Variants in ATP7B observed in about 807,000 individuals in gnomAD.
The protein encoded by ATP7B is ATPase copper transporting beta, also known as copper-transporting ATPase 2.
A neutral mutation model predicts 118.9 loss-of-function variants in ATP7B; 113 were observed. The observed-to-expected ratio is 0.95, with a 90% CI of 0.82 to 1.11. The LOEUF (loss-of-function observed/expected upper bound fraction) is 1.11. Among genes scored for constraint, ATP7B ranks in the 50% most tolerant of loss-of-function variants. The probability of loss-of-function intolerance (pLI) is 0.00; values close to 1 mark genes in which losing one functional copy is unlikely to be tolerated. For synonymous variants in ATP7B, 777 were observed against 727.4 expected (o/e 1.07, Z -1.10); for missense variants, 1,867 against 1,871.4 (o/e 1.00, Z 0.04).
At chr13:51,972,309 C>G (rs141190476) in intron 2 of ATP7B, among the ~76,000 whole-genome samples, 1 of 152,164 alleles carries the variant, frequency 6.6e-6, no homozygotes, top group Non-Finnish European at 1.5e-5. Flanking sequence ...TTGGCCTCTG[C>G]GGCTCGCATT....
chr13:51,955,742 G>A (rs891635140), intron 9 of ATP7B, among the ~76,000 whole-genome samples: 1 of 151,616 alleles, frequency 6.6e-6, no homozygotes, highest in Non-Finnish European at 1.5e-5. Flanking sequence ...CTGTCTGAAC[G>A]TTTTCACTTC....
intron 7 of ATP7B, 42 bp from the exon 8 acceptor site, chr13:51,958,586 G>A (rs1429436480): frequency 6.3e-7 from 1 of 1,580,572 alleles, no homozygotes. Context: ...AAGTAGGGAG[G>A]AGAGTTCAAT....
chr13:51,986,371 G>C (rs935008335), intron 1 of ATP7B, among the ~76,000 whole-genome samples: 1 of 152,178 alleles, frequency 6.6e-6, no homozygotes, highest in Non-Finnish European at 1.5e-5. Flanking sequence ...CTAGGAAGAA[G>C]TCGAATCCCT....
chr13:51,971,339 A>C (rs1951832922), intron 2 of ATP7B, among the ~76,000 whole-genome samples: 1 of 152,260 alleles, frequency 6.6e-6, no homozygotes, highest in South Asian at 2.1e-4. Context: ...ATTGTTTATG[A>C]AAAATTAAAA....
rs771238708 is a variant in ATP7B at position 51,937,497 on chromosome 13, T to C, written c.3882A>G (p.Ala1294=). 6.2e-7 allele frequency: 1 copy of C among 1,614,094 alleles called. No homozygotes were observed. The highest frequency in any genetic ancestry group is 8.5e-7 in the Non-Finnish European group (1 of 1,179,992). ...TCACTCTGATAAGGACGACGTCGGC[T>C]GCCTCGATGGCCACATCCGTGCCGG... ...IGTGTDVAIE[A]ADVVLIRNDL... Residue 1294 remains alanine, a synonymous_variant, in exon 18 of 21, where the codon GCA becomes GCG. Transcript: ENST00000242839.
chr13:51,934,807 C>T lies in ATP7B; in HGVS notation c.4347G>A (p.Gly1449=). 1.2e-6 allele frequency: 2 copies of T among 1,614,140 alleles called. No individual in the cohort carries two copies. The highest frequency in any genetic ancestry group is 1.1e-5 in the South Asian group (1 of 91,092). Residue 1449 remains glycine, a synonymous_variant, in exon 21 of 21, where the codon GGG becomes GGA. Transcript: ENST00000242839. Reference sequence around the variant, plus strand: ...CATTCAGGAGCAGAGACCACTTGTCCCCATCATCGTCTGCTGCAGCGCTGT... The same window carrying T: ...CATTCAGGAGCAGAGACCACTTGTCTCCATCATCGTCTGCTGCAGCGCTGT... ...SRHSAAADDD[G]DKWSLLLNGR...
intron 1 of ATP7B, among the ~76,000 whole-genome samples, chr13:51,980,897 C>G (rs149970833): frequency 5.3e-5 from 8 of 152,312 alleles, no homozygotes; most frequent in African/African-American, 1.7e-4. Context: ...TCACCTCCCC[C>G]CATACAACTT....
intron 9 of ATP7B, among the ~76,000 whole-genome samples, chr13:51,956,298 TG>T (rs1163452762): frequency 6.6e-6 from 1 of 152,020 alleles, no homozygotes; most frequent in Non-Finnish European, 1.5e-5. Flanking sequence ...GCAGACCCCA[TG>T]GGGAAGCAAG....
chr13:51,964,108 A>C (rs1192498109), intron 5 of ATP7B, among the ~76,000 whole-genome samples: 1 of 145,652 alleles, frequency 6.9e-6, no homozygotes, highest in East Asian at 2.0e-4. Context: ...TCTCTCTTTA[A>C]ACACACACAC....
In ATP7B at chr13:51,937,502, C is replaced by T. The variant is rs776300396; in HGVS notation, c.3877G>A (p.Glu1293Lys). 7 of 1,613,976 alleles carry T rather than the reference C, an allele frequency of 4.3e-6. No individual in the cohort carries two copies. In the East Asian group the frequency reaches 6.7e-5, roughly 15 times the overall value. Residue 1293 changes from glutamate (E) to lysine (K), a missense_variant, in exon 18 of 21, where the codon GAG becomes AAG. Transcript: ENST00000242839. ...CTGATAAGGACGACGTCGGCTGCCTCGATGGCCACATCCGTGCCGGTGCCA... is the reference window on the plus strand; with the variant it reads ...CTGATAAGGACGACGTCGGCTGCCTTGATGGCCACATCCGTGCCGGTGCCA... The part of the protein sequence containing the change: ...AIGTGTDVAI[E>K]AADVVLIRND...
At chr13:51,985,193 C>T (rs1952597028) in intron 1 of ATP7B, among the ~76,000 whole-genome samples, 1 of 152,170 alleles carries the variant, frequency 6.6e-6, no homozygotes, top group South Asian at 2.1e-4. Context: ...CAAACACACA[C>T]ATAGGCTCGA....
Position 51,950,403 on chromosome 13 carries a change from C to A in ATP7B, c.2448-4G>T, listed in dbSNP as rs1593697433. On this transcript the variant is annotated splice_region_variant and splice_polypyrimidine_tract_variant and intron_variant, in intron 9 of 20. Transcript: ENST00000242839. The stretch of plus-strand genomic sequence containing the variant: ...CTCCATGGGGACTTGCTCCTCCCTG[C>A]AACAAACGCCACTTATCACTCACAT... 3 of 1,613,844 alleles carry A rather than the reference C, an allele frequency of 1.9e-6. No homozygotes were observed. Among genetic ancestry groups the A allele is most frequent in the Non-Finnish European group, 1.7e-6 (2 of 1,180,030 alleles).
Position 51,950,330 on chromosome 13 carries a change from A to C in ATP7B, c.2517T>G (p.Phe839Leu), listed in dbSNP as rs1192411256. 6.2e-7 allele frequency: 1 copy of C among 1,614,026 alleles called. No individual in the cohort carries two copies. Among genetic ancestry groups the C allele is most frequent in the Admixed American group, 1.7e-5 (1 of 59,996 alleles). The change falls in exon 10 of 21, where the codon TTT (phenylalanine) becomes TTG (leucine). Residue 839 changes from phenylalanine to leucine, a missense_variant. Transcript: ENST00000242839. ...DIVKVVPGGKFPVDGKVLEGN... is the reference protein window; with the variant it reads ...DIVKVVPGGKLPVDGKVLEGN... ...CTTCCAGGACTTTCCCATCCACTGG[A>C]AACTTTCCCCCAGGGACCACCTTGA...
chr13:51,966,815 A>C (rs1007748031), intron 4 of ATP7B: 5 of 1,612,964 alleles, frequency 3.1e-6, no homozygotes, highest in Non-Finnish European at 4.2e-6. Flanking sequence ...TACATGAAGG[A>C]GCTAGGAGTG....
Position 51,958,421 on chromosome 13 carries a change from C to A in ATP7B, c.2245G>T (p.Val749Leu), listed in dbSNP as rs377141196. 5.0e-6 allele frequency: 8 copies of A among 1,614,096 alleles called. No homozygotes were observed. Among genetic ancestry groups the A allele is most frequent in the Non-Finnish European group, 5.9e-6 (7 of 1,180,038 alleles). Residue 749 changes from valine (V) to leucine (L), a missense_variant, in exon 8 of 21, where the codon GTG becomes TTG. Val to Leu is a conservative substitution (Grantham distance 32, BLOSUM62 1). Transcript: ENST00000242839. ...IAYVYSLVIL[V>L]VAVAEKAERS... The stretch of plus-strand genomic sequence containing the variant: ...TCCGCCTTCTCAGCCACAGCAACCA[C>A]CAGGATGACCAGAGAATAAACATAA...
At chr13:51,978,477 C>T (rs1478256650) in intron 1 of ATP7B, among the ~76,000 whole-genome samples, 1 of 152,174 alleles carries the variant, frequency 6.6e-6, no homozygotes, top group Admixed American at 6.5e-5. Flanking sequence ...TACAAATTTA[C>T]GTACTCTTTT....
intron 9 of ATP7B, among the ~76,000 whole-genome samples, chr13:51,954,042 T>C (rs1409182003): frequency 6.6e-6 from 1 of 151,852 alleles, no homozygotes; most frequent in African/African-American, 2.4e-5. Context: ...AGGCACAGAG[T>C]GTTCTGAGAG....
chr13:51,958,521 G>A lies in ATP7B; in HGVS notation c.2145C>T (p.Tyr715=), dbSNP rs751202110. Residue 715 remains tyrosine (Y), a synonymous_variant, in exon 8 of 21, where the codon TAC becomes TAT. Coordinates refer to ENST00000242839, the MANE Select transcript of ATP7B (RefSeq NM_000053.4). ...FVQLLGGWYF[Y]VQAYKSLRHR... is the part of the protein sequence containing the mutation. Reference sequence around the variant, plus strand: ...GTCTCAGAGATTTGTAGGCCTGAACGTAGAAGTACCACCCACCGAGGAGCT... The same window carrying A: ...GTCTCAGAGATTTGTAGGCCTGAACATAGAAGTACCACCCACCGAGGAGCT... The A allele has an allele frequency of 6.0e-5, 97 of 1,614,048 alleles. No individual in the cohort carries two copies. The highest frequency in any genetic ancestry group is 5.7e-4 in the South Asian group (52 of 91,076).
At chr13:51,947,288 C>CA (rs1385592985) in intron 12 of ATP7B, among the ~76,000 whole-genome samples, 1 of 152,090 alleles carries the variant, frequency 6.6e-6, no homozygotes, top group Admixed American at 6.5e-5. Flanking sequence ...CACCAATATG[C>CA]AAAAAAATTA....
Sources: allele counts gnomAD v4.1 joint callset (sites outside exome capture counted in the v4.1 genomes callset), GRCh38; gene constraint gnomAD v4.1.1; transcripts MANE v1.5; gene names NCBI Gene and HGNC (gene_info 2026-07-23, HGNC 2026-07-21).